IQCE: variants seen among roughly 807,000 people sequenced by gnomAD.
The protein encoded by IQCE is IQ domain-containing protein E.
In IQCE, 115 loss-of-function variants were observed where a neutral mutation model predicts 96.0. That is an observed-to-expected ratio of 1.20 (90% CI 1.03 to 1.40). The LOEUF (loss-of-function observed/expected upper bound fraction) is 1.40, where lower values mean the gene tolerates loss of function less well. Ranked by LOEUF, IQCE falls within the 40% of genes most tolerant of loss-of-function variation. IQCE has a pLI of 0.00. For synonymous variants in IQCE, 412 were observed against 371.2 expected (o/e 1.11, Z -1.26); for missense variants, 1,041 against 909.1 (o/e 1.15, Z -1.87).
intron 6 of IQCE, among the ~76,000 whole-genome samples, chr7:2,576,068 G>A (rs1039641846): frequency 6.6e-6 from 1 of 152,200 alleles, no homozygotes; most frequent in Non-Finnish European, 1.5e-5. Flanking sequence ...TTGCTATCAT[G>A]CCTCCTGAAT....
At chr7:2,584,349 G>A (rs10248047) in intron 11 of IQCE, 64 bp downstream of exon 11, 2 of 1,483,518 alleles carry the variant, frequency 1.3e-6, no homozygotes, top group African/African-American at 2.8e-5. Context: ...GCTCCTCTGA[G>A]AATGTGTGGC....
intron 3 of IQCE, among the ~76,000 whole-genome samples, chr7:2,569,650 G>A (rs146945399): frequency 1.3e-5 from 2 of 152,260 alleles, no homozygotes; most frequent in Admixed American, 6.5e-5. Context: ...GAATGTGTTC[G>A]TGACCCTGTA....
chr7:2,580,777 G>A (rs1486838290), intron 8 of IQCE, among the ~76,000 whole-genome samples: 1 of 152,214 alleles, frequency 6.6e-6, no homozygotes. Flanking sequence ...CCCCGTTTCT[G>A]TGAGAACAGA....
rs13311579 is a variant in IQCE at position 2,561,137 on chromosome 7, T to C, written c.36+1920T>C. 7.3e-4 allele frequency among the ~76,000 whole-genome samples: 75 copies of C among 102,176 alleles called. No individual in the cohort carries two copies. In the East Asian group the frequency reaches 0.015, roughly 21 times the overall value. 67.0% of individuals were successfully genotyped at this position (102,176 alleles called of 152,430 possible). ...CACACCCAGCTAATTTTTCTATTTT[T>C]AGTAGAGGTGGGGTTTCACCATGTT... On this transcript the variant is annotated intron_variant, in intron 1 of 21. Coordinates refer to ENST00000402050, the MANE Select transcript of IQCE (RefSeq NM_152558.5).
intron 16 of IQCE, among the ~76,000 whole-genome samples, 182 bp downstream of exon 16, chr7:2,595,158 A>G (rs1051441517): frequency 6.6e-6 from 1 of 152,232 alleles, no homozygotes; most frequent in Non-Finnish European, 1.5e-5. Context: ...TTTTGGATTA[A>G]TTGACTGTCA....
chr7:2,563,417 G>A (rs1298248703), intron 1 of IQCE, among the ~76,000 whole-genome samples: 1 of 147,640 alleles, frequency 6.8e-6, no homozygotes, highest in African/African-American at 2.5e-5. Context: ...GTGTGTACAG[G>A]GTTTCTCCAT....
rs191701815 is a variant in IQCE, at chr7:2,595,093, C to T, written c.1440+117C>T. On this transcript the variant is annotated intron_variant, in intron 16 of 21. Transcript: ENST00000402050. Reference sequence around the variant, plus strand: ...GACCAGCCACTGAAAATCCCACTCCCCTTTATCATCACCATTGATTTCTAT... The same window carrying T: ...GACCAGCCACTGAAAATCCCACTCCTCTTTATCATCACCATTGATTTCTAT... The T allele has an allele frequency of 3.4e-4, 246 of 718,744 alleles. No individual in the cohort carries two copies. The African/African-American group carries it at 3.9e-3, about 11-fold the overall frequency. The allele number at this position is 718,744 out of a possible 1,614,324, so 44.5% of individuals were successfully genotyped here.
chr7:2,590,492 C>T (rs183287627), intron 14 of IQCE, among the ~76,000 whole-genome samples: 12 of 152,316 alleles, frequency 7.9e-5, no homozygotes, highest in South Asian at 2.1e-4. Flanking sequence ...TGGCCGGGCA[C>T]GGTGGCTCAT....
intron 5 of IQCE, 50 bp downstream of exon 5, chr7:2,572,376 A>G (rs1562628378): frequency 1.3e-6 from 2 of 1,588,210 alleles, no homozygotes; most frequent in African/African-American, 1.3e-5. Flanking sequence ...AGCAGAAAGG[A>G]AAGGACAGTC....
intron 16 of IQCE, among the ~76,000 whole-genome samples, chr7:2,597,751 T>G (rs1454296908): frequency 6.6e-6 from 1 of 152,188 alleles, no homozygotes; most frequent in East Asian, 1.9e-4. Context: ...CACTGCAGCT[T>G]TGACCCCTGG....
chr7:2,596,523 G>A (rs1184015625), intron 16 of IQCE, among the ~76,000 whole-genome samples: 1 of 152,016 alleles, frequency 6.6e-6, no homozygotes, highest in African/African-American at 2.4e-5. Context: ...GGAAGAGTGG[G>A]ATTAATTGAG....
At chr7:2,588,654 G>GTTTTTTTTTTTT (rs370704456) in intron 13 of IQCE, among the ~76,000 whole-genome samples, 1 of 49,758 alleles carries the variant, frequency 2.0e-5, no homozygotes, top group African/African-American at 8.7e-5. Context: ...TGCCTGGCTG[G>GTTTTTTTTTTTT]TTTTTTTTTT....
chr7:2,559,171 GCGC>G lies in IQCE; in HGVS notation c.-6_-4del, dbSNP rs1458877504. ...AGCAACCCTGAGGGGCGGCCGGGCA[GCGC>G]CGCCACCATGTTCCTGGGCACCGGG... On this transcript the variant is annotated 5_prime_UTR_variant, in exon 1 of 22. Transcript: ENST00000402050. 1 of 1,213,992 alleles carries G rather than the reference GCGC, an allele frequency of 8.2e-7. No individual in the cohort carries two copies. Among genetic ancestry groups the G allele is most frequent in the Non-Finnish European group, 1.0e-6 (1 of 976,026 alleles). 75.2% of individuals were successfully genotyped at this position (1,213,992 alleles called of 1,614,324 possible). A position where few individuals can be genotyped will look rare whatever the true frequency, so the allele number is the denominator to read the frequency against.
In IQCE at chr7:2,573,435, C is replaced by T. The variant is rs1256042462; in HGVS notation, c.412C>T (p.Pro138Ser). 3.3e-6 allele frequency: 5 copies of T among 1,515,906 alleles called. No individual in the cohort carries two copies. The African/African-American group carries it at 5.5e-5, about 17-fold the overall frequency. 93.9% of individuals were successfully genotyped at this position (1,515,906 alleles called of 1,614,324 possible). A position where few individuals can be genotyped will look rare whatever the true frequency, so the allele number is the denominator to read the frequency against. Residue 138 changes from proline to serine, a missense_variant, in exon 6 of 22, where the codon CCT (proline) becomes TCT (serine). By Grantham distance (74) the Pro-to-Ser change is moderately conservative (BLOSUM62 -1). Coordinates refer to ENST00000402050, the MANE Select transcript of IQCE (RefSeq NM_152558.5). ...SASNGHVPGT[P>S]VYREKEDMYD... ...TTCTCTAGGTCATGTCCCTGGGACT[C>T]CTGTCTACAGAGAAAAAGAAGATAT...
chr7:2,585,174 T>C (rs943468411), intron 11 of IQCE, among the ~76,000 whole-genome samples: 3 of 152,090 alleles, frequency 2.0e-5, no homozygotes, highest in Non-Finnish European at 2.9e-5. Context: ...TATCTGGGAC[T>C]GTACAGGCAC....
intron 14 of IQCE, among the ~76,000 whole-genome samples, chr7:2,591,873 C>T (rs190228479): frequency 4.6e-5 from 7 of 152,136 alleles, no homozygotes; most frequent in East Asian, 3.9e-4. Flanking sequence ...CTGCCTGCCT[C>T]GACCTCCCAA....
intron 3 of IQCE, 128 bp downstream of exon 3, chr7:2,569,127 C>T: frequency 4.8e-6 from 4 of 831,748 alleles, no homozygotes; most frequent in Non-Finnish European, 7.8e-6. Context: ...GGCCCCATTC[C>T]CACTGGGGTC....
intron 18 of IQCE, among the ~76,000 whole-genome samples, 182 bp from the exon 19 acceptor site, chr7:2,604,699 T>C (rs977066434): frequency 2.6e-5 from 4 of 151,854 alleles, no homozygotes; most frequent in African/African-American, 9.7e-5. Context: ...CGCCAGTGAG[T>C]TTCTCCCAGA....
chr7:2,597,153 A>G (rs1784103705), intron 16 of IQCE: 1 of 467,376 alleles, frequency 2.1e-6, no homozygotes, highest in Non-Finnish European at 4.4e-6. Flanking sequence ...CCGGCTGGTT[A>G]GGGCCGGCGG....
Sources: gnomAD v4.1 joint callset for allele counts (sites outside exome capture counted in the v4.1 genomes callset) on GRCh38, gnomAD v4.1.1 for gene constraint, MANE v1.5 for transcripts, NCBI Gene and HGNC (gene_info 2026-07-23, HGNC 2026-07-21) for gene names.